Variants in PIEZO2 observed in about 807,000 individuals in gnomAD.
PIEZO2 encodes the protein piezo-type mechanosensitive ion channel component 2.
In PIEZO2, 172 loss-of-function variants were observed where a neutral mutation model predicts 337.3. The observed-to-expected ratio is 0.51, with a 90% CI of 0.45 to 0.58. The LOEUF is 0.58. PIEZO2 is among the 20% of genes least tolerant of loss of function. The pLI is 0.00. For missense variants in PIEZO2, 3,028 were observed against 3,391.3 expected (o/e 0.89, Z 2.66); for synonymous variants, 1,251 against 1,228.5 (o/e 1.02, Z -0.38).
rs562252577 is a variant in PIEZO2, at chr18:10,835,909, G to C, written c.917+19444C>G. Reference sequence around the variant, plus strand: ...ACTCACAGTACTTTTGCAAATGCTCGATTGCAAAGATCGGATGAAAGTTTT... The same window carrying C: ...ACTCACAGTACTTTTGCAAATGCTCCATTGCAAAGATCGGATGAAAGTTTT... On this transcript the variant is annotated intron_variant, in intron 7 of 55. Coordinates refer to ENST00000674853, the MANE Select transcript of PIEZO2 (RefSeq NM_001378183.1). Among the ~76,000 whole-genome samples the C allele has an allele frequency of 8.4e-4, 128 of 152,330 alleles. 1 individual carries two copies. Among genetic ancestry groups the C allele is most frequent in the Middle Eastern group, 3.4e-3 (1 of 294 alleles).
At position 11,069,673 on chromosome 18, in the gene PIEZO2, C is replaced by A. The variant is rs2038269881; in HGVS notation, c.65-3451G>T. On this transcript the variant is annotated intron_variant, in intron 1 of 55. Coordinates refer to ENST00000674853, the MANE Select transcript of PIEZO2 (RefSeq NM_001378183.1). The surrounding 1 kb of genome is among the most constrained non-coding windows in gnomAD (Gnocchi z 4.9). Reference sequence around the variant, plus strand: ...TCAATGTGGTACGGGAAGTCCTAGGCAGAGGAATTAGGCAAGAAAAAGAAA... The same window carrying A: ...TCAATGTGGTACGGGAAGTCCTAGGAAGAGGAATTAGGCAAGAAAAAGAAA... Among the ~76,000 whole-genome samples, 1 of 152,044 alleles carries A rather than the reference C, an allele frequency of 6.6e-6. No individual in the cohort carries two copies. The highest frequency in any genetic ancestry group is 1.5e-5 in the Non-Finnish European group (1 of 68,020).
intron 2 of PIEZO2, among the ~76,000 whole-genome samples, chr18:11,030,700 G>C (rs2036702610): frequency 6.6e-6 from 1 of 152,098 alleles, no homozygotes; most frequent in Non-Finnish European, 1.5e-5. Context: ...GGACGGTGCT[G>C]CCCACTCTTA....
intron 7 of PIEZO2, among the ~76,000 whole-genome samples, chr18:10,832,357 C>T (rs2040869933): frequency 6.6e-6 from 1 of 152,126 alleles, no homozygotes; most frequent in Non-Finnish European, 1.5e-5. Flanking sequence ...GTAAGGGCTA[C>T]CACATGTAGA....
At chr18:11,024,112 GA>G (rs1387141639) in intron 2 of PIEZO2, among the ~76,000 whole-genome samples, 4 of 152,242 alleles carry the variant, frequency 2.6e-5, no homozygotes, top group Non-Finnish European at 4.4e-5. Context: ...GCGGTGAGCT[GA>G]AGGGCTCCTC....
chr18:10,825,776 C>T (rs1417713276), intron 7 of PIEZO2, among the ~76,000 whole-genome samples: 1 of 151,986 alleles, frequency 6.6e-6, no homozygotes, highest in Non-Finnish European at 1.5e-5. Context: ...GTCTCGAACT[C>T]CCGACCTCAG....
At chr18:11,076,077 T>C (rs973449752) in intron 1 of PIEZO2, among the ~76,000 whole-genome samples, 6 of 152,188 alleles carry the variant, frequency 3.9e-5, no homozygotes, top group Non-Finnish European at 8.8e-5. Context: ...TGAGCCACCG[T>C]GCCCGGCCTA....
At chr18:10,996,112 G>A (rs576824146) in intron 2 of PIEZO2, among the ~76,000 whole-genome samples, 1 of 152,060 alleles carries the variant, frequency 6.6e-6, no homozygotes, top group African/African-American at 2.4e-5. Context: ...AATTTTATTA[G>A]CCTTTAAAAC....
rs1333258953 is a variant in PIEZO2 at position 11,128,369 on chromosome 18, A to G, written c.64+20156T>C. On this transcript the variant is annotated intron_variant, in intron 1 of 55. Transcript: ENST00000674853. The surrounding 1 kb of genome is among the most constrained non-coding windows in gnomAD (Gnocchi z 4.1). The stretch of plus-strand genomic sequence containing the variant: ...ATGAGAGTGGCTGACCTGCAACGAA[A>G]GATACATGCACAGCCCCGCCAGGTG... 6.6e-6 allele frequency among the ~76,000 whole-genome samples: 1 copy of G among 152,208 alleles called. No homozygotes were observed. The highest frequency in any genetic ancestry group is 2.4e-5 in the African/African-American group (1 of 41,444).
At chr18:11,107,890 C>T (rs2039615625) in intron 1 of PIEZO2, among the ~76,000 whole-genome samples, 2 of 152,200 alleles carry the variant, frequency 1.3e-5, no homozygotes, top group Admixed American at 6.5e-5. Flanking sequence ...TGCTGCTTGG[C>T]AACGGCTTTA....
chr18:11,004,041 T>G (rs2035635637), intron 2 of PIEZO2, among the ~76,000 whole-genome samples: 1 of 152,114 alleles, frequency 6.6e-6, no homozygotes, highest in Non-Finnish European at 1.5e-5. Flanking sequence ...TGAGAAGGGG[T>G]AGGGAGTAAG....
chr18:10,737,144 G>T (rs2037028934), intron 33 of PIEZO2, among the ~76,000 whole-genome samples: 2 of 151,980 alleles, frequency 1.3e-5, no homozygotes, highest in African/African-American at 4.8e-5. Flanking sequence ...GTCTGAATGG[G>T]CCCAAACCGT....
intron 7 of PIEZO2, among the ~76,000 whole-genome samples, chr18:10,832,236 G>C (rs958609069): frequency 6.6e-6 from 1 of 152,004 alleles, no homozygotes; most frequent in African/African-American, 2.4e-5. Flanking sequence ...GTGAGACTCT[G>C]TCTCAAAAAA....
chr18:10,770,301 C>T lies in PIEZO2; in HGVS notation c.2793G>A (p.Arg931=), dbSNP rs1416463198. The T allele has an allele frequency of 2.7e-5, 42 of 1,536,238 alleles. No homozygotes were observed. The highest frequency in any genetic ancestry group is 3.7e-5 in the Non-Finnish European group (42 of 1,146,558). ...GGTCAATCACCAGGTGCCATTTGTT[C>T]CTTAAGTCTGCAAAATAGGAAGTAC... The part of the protein sequence containing the change: ...SEEEEETSDL[R]NKWHLVIDRL... The change falls in exon 21 of 56, where the codon AGG becomes AGA. Residue 931 remains arginine, a synonymous_variant. Coordinates refer to ENST00000674853, the MANE Select transcript of PIEZO2 (RefSeq NM_001378183.1).
chr18:10,955,349 G>T (rs933490321), intron 3 of PIEZO2, among the ~76,000 whole-genome samples: 1 of 152,196 alleles, frequency 6.6e-6, no homozygotes, highest in Non-Finnish European at 1.5e-5. Flanking sequence ...GGCATGGCCT[G>T]TCTGGGAGGC....
intron 1 of PIEZO2, among the ~76,000 whole-genome samples, chr18:11,098,290 T>A (rs893796990): frequency 1.3e-4 from 20 of 150,970 alleles, no homozygotes; most frequent in African/African-American, 4.9e-4. Context: ...AATAAACATA[T>A]AAAAGTAGTA....
intron 23 of PIEZO2, 110 bp downstream of exon 23, chr18:10,762,388 CAT>C (rs2143877425): frequency 2.1e-5 from 28 of 1,320,396 alleles, no homozygotes; most frequent in Non-Finnish European, 2.6e-5. Flanking sequence ...CCAAATCCCA[CAT>C]GAGAAGATAT....
rs1473731967 is a variant in PIEZO2 at position 11,143,639 on chromosome 18, A to ACACACT, written c.64+4885_64+4886insAGTGTG. On this transcript the variant is annotated intron_variant, in intron 1 of 55. Coordinates refer to ENST00000674853, the MANE Select transcript of PIEZO2 (RefSeq NM_001378183.1). This position sits in a 1 kb window ranked among gnomAD's most constrained non-coding sequence, Gnocchi z 4.9. ...CACACACACACACACACACACACAC[A>ACACACT]CTCTCTCTCTCTCTCTCTCTCTCTC... Among the ~76,000 whole-genome samples, 85 of 92,834 alleles carry ACACACT rather than the reference A, an allele frequency of 9.2e-4. No individual in the cohort carries two copies. Among genetic ancestry groups the ACACACT allele is most frequent in the African/African-American group, 1.5e-3 (29 of 18,796 alleles). 60.9% of individuals were successfully genotyped at this position (92,834 alleles called of 152,430 possible).
chr18:11,014,325 G>T (rs2036009080), intron 2 of PIEZO2, among the ~76,000 whole-genome samples: 1 of 72,464 alleles, frequency 1.4e-5, no homozygotes, highest in African/African-American at 4.8e-5. Context: ...GCGATCCGGG[G>T]CTCCCTCATT....
intron 3 of PIEZO2, among the ~76,000 whole-genome samples, chr18:10,963,567 C>G (rs1436496832): frequency 6.6e-6 from 1 of 152,196 alleles, no homozygotes; most frequent in Non-Finnish European, 1.5e-5. Context: ...CATTTATCTT[C>G]TGTTTCTCCC....
Sources: gnomAD v4.1 joint callset for allele counts (sites outside exome capture counted in the v4.1 genomes callset) on GRCh38, gnomAD v4.1.1 for gene constraint, Gnocchi (gnomAD v3.1) non-coding constraint, MANE v1.5 for transcripts, NCBI Gene and HGNC (gene_info 2026-07-23, HGNC 2026-07-21) for gene names.